The following PLSCR5 variants were observed in gnomAD, a reference collection of about 807,000 sequenced individuals.
PLSCR5 encodes phospholipid scramblase family member 5.
PLSCR5 carries 44 observed loss-of-function variants against 33.6 expected under a neutral mutation model. The ratio of observed to expected loss-of-function variants is 1.31; its 90% CI spans 1.03 to 1.69. The LOEUF (loss-of-function observed/expected upper bound fraction) is 1.69. Among genes scored for constraint, PLSCR5 ranks in the 40% most tolerant of loss-of-function variants. The pLI is 0.00. For missense variants in PLSCR5, 375 were observed against 318.7 expected (o/e 1.18, Z -1.34); for synonymous variants, 148 against 112.3 (o/e 1.32, Z -2.01).
chr3:146,578,389 GA>G (rs1030519847), intron 7 of PLSCR5, among the ~76,000 whole-genome samples: 4 of 152,048 alleles, frequency 2.6e-5, no homozygotes, highest in Non-Finnish European at 4.4e-5. Context: ...TTTCTAAATA[GA>G]AAGAGTACAT....
At chr3:146,603,389 C>T (rs896448218) in intron 1 of PLSCR5, among the ~76,000 whole-genome samples, 6 of 152,216 alleles carry the variant, frequency 3.9e-5, no homozygotes, top group Admixed American at 2.0e-4. Flanking sequence ...TTCATTATCA[C>T]TTATATTCTC....
intron 1 of PLSCR5, among the ~76,000 whole-genome samples, chr3:146,601,032 C>G (rs1230237826): frequency 1.3e-5 from 2 of 149,614 alleles, no homozygotes; most frequent in Non-Finnish European, 3.0e-5. Flanking sequence ...TAGTTTGAAG[C>G]TATGCATCCT....
rs1336033712 is a variant in PLSCR5, at chr3:146,594,126, C to T, written c.247G>A (p.Glu83Lys). 1.9e-6 allele frequency: 3 copies of T among 1,612,342 alleles called. No homozygotes were observed. The highest frequency in any genetic ancestry group is 3.3e-5 in the Admixed American group (2 of 59,908). ...TTAATCTCATATTTGTTGGAGGTCT[C>T]AGTACCAAGTATCACTAATGGAACA... The part of the protein sequence containing the change: ...VELLGMILGT[E>K]TSNKYEIKNS... Residue 83 changes from glutamate (E) to lysine (K), a missense_variant, in exon 4 of 8, where the codon GAG (glutamate) becomes AAG (lysine). Physicochemically the swap from Glu to Lys is moderately conservative, Grantham distance 56. Coordinates refer to ENST00000443512, the MANE Select transcript of PLSCR5 (RefSeq NM_001085420.2).
chr3:146,595,246 G>T (rs772251089), intron 2 of PLSCR5, among the ~76,000 whole-genome samples, 163 bp from the exon 3 acceptor site: 98 of 150,812 alleles, frequency 6.5e-4, no homozygotes, highest in Non-Finnish European at 1.1e-3. Flanking sequence ...CAATGCAAAA[G>T]AACGTAATTT....
rs183415704 is a variant in PLSCR5, at chr3:146,579,317, C to T, written c.*45-2592G>A. Among the ~76,000 whole-genome samples the T allele has an allele frequency of 4.6e-5, 7 of 152,140 alleles. No individual in the cohort carries two copies. The East Asian group carries it at 5.8e-4, about 13-fold the overall frequency. On this transcript the variant is annotated intron_variant, in intron 7 of 7. Transcript: ENST00000482567. ...AATATGATAAACAATAATTTCATTT[C>T]CCCTTATTTTAGCAATTAAAGAAAC...
chr3:146,593,371 G>T (rs1250665686), intron 4 of PLSCR5, among the ~76,000 whole-genome samples: 1 of 152,052 alleles, frequency 6.6e-6, no homozygotes, highest in African/African-American at 2.4e-5. Context: ...ATTATTACAG[G>T]TGTACTAAAT....
At chr3:146,587,001 A>G (rs780661948) in intron 6 of PLSCR5, among the ~76,000 whole-genome samples, 4 of 152,250 alleles carry the variant, frequency 2.6e-5, no homozygotes, top group Admixed American at 6.5e-5. Flanking sequence ...AATGGGAGTC[A>G]TTAACTATTC....
In PLSCR5 at chr3:146,587,392, T is replaced by A. The variant is rs144197171; in HGVS notation, c.778-1280A>T. 1.0e-3 allele frequency among the ~76,000 whole-genome samples: 155 copies of A among 152,362 alleles called. 1 individual carries two copies. The highest frequency in any genetic ancestry group is 3.7e-3 in the African/African-American group (152 of 41,586). ...AGGTTTAAAATACAGAGAACTGTAG[T>A]TCCAATTTTGGCAGTACATTTTAAC... On this transcript the variant is annotated intron_variant, in intron 6 of 7. Coordinates refer to ENST00000443512, the MANE Select transcript of PLSCR5 (RefSeq NM_001085420.2).
chr3:146,596,221 C>A (rs2044760103), intron 2 of PLSCR5, among the ~76,000 whole-genome samples: 1 of 152,118 alleles, frequency 6.6e-6, no homozygotes, highest in Non-Finnish European at 1.5e-5. Context: ...CAGAGTTCAG[C>A]TTTGTGGCCC....
chr3:146,582,233 G>A (rs764216644), downstream of PLSCR5, among the ~76,000 whole-genome samples: 3 of 152,156 alleles, frequency 2.0e-5, no homozygotes, highest in Non-Finnish European at 2.9e-5. Context: ...CATAAATAAG[G>A]GAACTTGCAT....
chr3:146,600,442 C>A lies in PLSCR5; in HGVS notation c.35G>T (p.Gly12Val), dbSNP rs867143321. The A allele has an allele frequency of 1.3e-6, 2 of 1,597,882 alleles. No homozygotes were observed. The highest frequency in any genetic ancestry group is 1.7e-6 in the Non-Finnish European group (2 of 1,170,356). ...AGCTCCAGGAAGAAAACCAGGCAGA[C>A]CTCTTCTTTGGTTCTGGGCATCTGC... Reference protein sequence around the residue: ...ASKDAQNQRRGLPGFLPGAPD... With the variant: ...ASKDAQNQRRVLPGFLPGAPD... The change falls in exon 2 of 8, where the codon GGT (glycine) becomes GTT (valine). Residue 12 changes from glycine to valine, a missense_variant. Gly to Val is a moderately radical substitution (Grantham distance 109). Transcript: ENST00000443512.
At chr3:146,584,615 C>T (rs1033318404), downstream of PLSCR5, among the ~76,000 whole-genome samples, 1 of 151,948 alleles carries the variant, frequency 6.6e-6, no homozygotes, top group African/African-American at 2.4e-5. Flanking sequence ...TCTTTGCATG[C>T]CAAAGGAGGG....
rs898599854 is a variant in PLSCR5, at chr3:146,591,651, A to C, written c.615+69T>G. The C allele has an allele frequency of 7.1e-5, 103 of 1,440,604 alleles. No homozygotes were observed. The African/African-American group carries it at 1.3e-3, about 19-fold the overall frequency. 89.2% of individuals were successfully genotyped at this position (1,440,604 alleles called of 1,614,324 possible). On this transcript the variant is annotated intron_variant, in intron 5 of 7. Coordinates refer to ENST00000443512, the MANE Select transcript of PLSCR5 (RefSeq NM_001085420.2). ...TAAATGAAATTAATTTGAACATAAAAAAATTGAATTATGTTGCAAAAAAAA... is the reference window on the plus strand; with the variant it reads ...TAAATGAAATTAATTTGAACATAAACAAATTGAATTATGTTGCAAAAAAAA...
intron 6 of PLSCR5, 66 bp downstream of exon 6, chr3:146,589,587 T>C (rs2044693596): frequency 1.5e-6 from 2 of 1,364,918 alleles, no homozygotes; most frequent in Admixed American, 2.1e-5. Context: ...TGGGATAGGC[T>C]ATATTGTAAT....
At position 146,595,047 on chromosome 3, in the gene PLSCR5, G is replaced by T; in HGVS notation, c.226C>A (p.Leu76Ile). 7.0e-7 allele frequency: 1 copy of T among 1,431,452 alleles called. No individual in the cohort carries two copies. The highest frequency in any genetic ancestry group is 1.6e-5 in the South Asian group (1 of 61,354). 88.7% of individuals were successfully genotyped at this position (1,431,452 alleles called of 1,614,324 possible). The change falls in exon 3 of 8, where the codon CTT (leucine) becomes ATT (isoleucine). Residue 76 changes from leucine (L) to isoleucine (I), a missense_variant. Physicochemically the swap from Leu to Ile is conservative, Grantham distance 5 (BLOSUM62 2). Coordinates refer to ENST00000443512, the MANE Select transcript of PLSCR5 (RefSeq NM_001085420.2). ...LIIIHQQVEL[L>I]GMILGTETSN... ...ATATATATAATGCACTTACTTCCAA[G>T]CAGCTCCACCTGCTGGTGTATAATT... is the stretch of plus-strand genomic sequence containing the variant.
intron 6 of PLSCR5, among the ~76,000 whole-genome samples, chr3:146,587,555 G>A (rs2044675672): frequency 6.6e-6 from 1 of 152,020 alleles, no homozygotes; most frequent in Non-Finnish European, 1.5e-5. Flanking sequence ...GGAGGGGTTG[G>A]TGTTGAAGTC....
Position 146,595,027 on chromosome 3 carries a change from T to C in PLSCR5, c.232+14A>G, listed in dbSNP as rs1321047953. On this transcript the variant is annotated intron_variant, in intron 3 of 7. Coordinates refer to ENST00000443512, the MANE Select transcript of PLSCR5 (RefSeq NM_001085420.2). ...ATAGTTTTAATAAATATGTAATATA[T>C]ATAATGCACTTACTTCCAAGCAGCT... 1 of 1,387,290 alleles carries C rather than the reference T, an allele frequency of 7.2e-7. No individual in the cohort carries two copies. The highest frequency in any genetic ancestry group is 2.6e-5 in the Admixed American group (1 of 38,868). 85.9% of individuals were successfully genotyped at this position (1,387,290 alleles called of 1,614,324 possible). A position where few individuals can be genotyped will look rare whatever the true frequency, so the allele number is the denominator to read the frequency against.
chr3:146,595,731 T>G (rs2044755349), intron 2 of PLSCR5, among the ~76,000 whole-genome samples: 1 of 152,262 alleles, frequency 6.6e-6, no homozygotes, highest in Admixed American at 6.5e-5. Context: ...AAACAATCTC[T>G]GAATTATAAT....
At chr3:146,577,642 C>T (rs897001745) in intron 7 of PLSCR5, among the ~76,000 whole-genome samples, 3 of 152,038 alleles carry the variant, frequency 2.0e-5, no homozygotes, top group Admixed American at 1.3e-4. Context: ...TCAGTCTGCT[C>T]ATTAAAAATA....
Sources: allele counts gnomAD v4.1 joint callset (sites outside exome capture counted in the v4.1 genomes callset), GRCh38; gene constraint gnomAD v4.1.1; transcripts MANE v1.5; gene names NCBI Gene and HGNC (gene_info 2026-07-23, HGNC 2026-07-21).